Variants in PTPRK observed in about 807,000 individuals in gnomAD.
PTPRK encodes receptor-type tyrosine-protein phosphatase kappa.
In PTPRK, 75 loss-of-function variants were observed where a neutral mutation model predicts 178.0. The ratio of observed to expected loss-of-function variants is 0.42; its 90% confidence interval spans 0.35 to 0.51. The LOEUF (loss-of-function observed/expected upper bound fraction) is 0.51. Among genes scored for constraint, PTPRK ranks in the 20% least tolerant of loss-of-function variants. The pLI, the probability that PTPRK is intolerant of heterozygous loss-of-function variation, is 0.02. For synonymous variants in PTPRK, 637 were observed against 620.6 expected, an observed-to-expected ratio of 1.03 and a Z score of -0.39; for missense variants, 1,441 against 1,797.8, an observed-to-expected ratio of 0.80 and a Z score of 3.59.
chr6:128,018,972 G>C (rs977428713), intron 13 of PTPRK, among the ~76,000 whole-genome samples: 2 of 152,116 alleles, frequency 1.3e-5, no homozygotes, highest in African/African-American at 4.8e-5. Flanking sequence ...ACTAGAAGAA[G>C]AATATGGTAA....
At chr6:128,424,338 G>A (rs575026909) in intron 1 of PTPRK, among the ~76,000 whole-genome samples, 165 of 152,342 alleles carry the variant, frequency 1.1e-3, no homozygotes, top group Admixed American at 3.7e-3. Flanking sequence ...GTCATTTTGA[G>A]ACAGGAAGTT....
At chr6:128,364,049 C>T (rs1562362599) in intron 2 of PTPRK, among the ~76,000 whole-genome samples, 1 of 152,006 alleles carries the variant, frequency 6.6e-6, no homozygotes, top group Non-Finnish European at 1.5e-5. Context: ...TAGTAATTAG[C>T]AGAGCCAAAA....
intron 1 of PTPRK, among the ~76,000 whole-genome samples, chr6:128,399,393 A>G (rs1168085423): frequency 1.3e-5 from 2 of 152,208 alleles, no homozygotes; most frequent in Non-Finnish European, 2.9e-5. Flanking sequence ...AATCACTCTT[A>G]TGACTACAGC....
In PTPRK at chr6:128,184,659, A is replaced by G; in HGVS notation, c.935T>C (p.Leu312Pro). Residue 312 changes from leucine (L) to proline (P), a missense_variant, in exon 7 of 30, where the codon CTA becomes CCA. Leu to Pro is a moderately conservative substitution (Grantham distance 98). Transcript: ENST00000368226. ...ATCGCCAATGATCGAGTTGGCATTT[A>G]GTTGGATCAGCAAATATGTAGGCCC... ...GVGPTYLLIQ[L>P]NANSIIGDGP... 3 of 1,614,074 alleles carry G rather than the reference A, an allele frequency of 1.9e-6. No individual in the cohort carries two copies. The highest frequency in any genetic ancestry group is 2.5e-6 in the Non-Finnish European group (3 of 1,179,960).
chr6:128,200,341 C>T (rs905953314), intron 6 of PTPRK, among the ~76,000 whole-genome samples: 1 of 152,108 alleles, frequency 6.6e-6, no homozygotes, highest in African/African-American at 2.4e-5. Context: ...GGGGATTTAG[C>T]TCATGATTTG....
intron 1 of PTPRK, among the ~76,000 whole-genome samples, chr6:128,505,717 G>C (rs745626431): frequency 2.0e-5 from 3 of 152,190 alleles, no homozygotes; most frequent in Non-Finnish European, 4.4e-5. Context: ...AGCTAGAAAA[G>C]ATAGTGTTAA....
At chr6:128,130,769 A>T (rs916716759) in intron 7 of PTPRK, among the ~76,000 whole-genome samples, 1 of 152,112 alleles carries the variant, frequency 6.6e-6, no homozygotes, top group Admixed American at 6.5e-5. Flanking sequence ...AAACGGAGAG[A>T]TTTCACCTCT....
rs1809864153 is a variant in PTPRK at position 128,218,926 on chromosome 6, C to A, written c.864G>T (p.Val288=). 1 of 1,609,494 alleles carries A rather than the reference C, an allele frequency of 6.2e-7. No individual in the cohort carries two copies. The highest frequency in any genetic ancestry group is 8.5e-7 in the Non-Finnish European group (1 of 1,177,232). ...SGVSNFAQLI[V]REPPRPIAPP... is the part of the protein sequence containing the mutation. Reference sequence around the variant, plus strand: ...GTGAAAACAATTTCACCTTACCTCTCACAATAAGTTGAGCAAAATTGGACA... The same window carrying A: ...GTGAAAACAATTTCACCTTACCTCTAACAATAAGTTGAGCAAAATTGGACA... Residue 288 remains valine (V), a synonymous_variant, in exon 6 of 30, where the codon GTG becomes GTT. Transcript: ENST00000368226.
chr6:128,127,615 T>A (rs1793591295), intron 7 of PTPRK, among the ~76,000 whole-genome samples: 1 of 152,204 alleles, frequency 6.6e-6, no homozygotes, highest in Admixed American at 6.5e-5. Flanking sequence ...TGATGCAAGG[T>A]CACAATGTTA....
chr6:128,142,051 T>C (rs530102735), intron 7 of PTPRK, among the ~76,000 whole-genome samples: 1 of 152,074 alleles, frequency 6.6e-6, no homozygotes, highest in Non-Finnish European at 1.5e-5. Context: ...TTAATGTATA[T>C]GTGCATTTAG....
intron 1 of PTPRK, among the ~76,000 whole-genome samples, chr6:128,420,695 C>T (rs146161358): frequency 5.8e-4 from 89 of 152,220 alleles, no homozygotes; most frequent in African/African-American, 1.9e-3. Flanking sequence ...GAAGAACTTA[C>T]GAAAATGACA....
At chr6:128,143,278 A>G (rs1354657629) in intron 7 of PTPRK, among the ~76,000 whole-genome samples, 1 of 152,106 alleles carries the variant, frequency 6.6e-6, no homozygotes, top group African/African-American at 2.4e-5. Context: ...TTCCTCTCCA[A>G]AGAAGTTCAC....
At chr6:128,073,058 C>T (rs1226641030) in intron 11 of PTPRK, among the ~76,000 whole-genome samples, 1 of 152,036 alleles carries the variant, frequency 6.6e-6, no homozygotes, top group African/African-American at 2.4e-5. Context: ...CAACATGGTA[C>T]ATTACAAATA....
chr6:128,508,803 G>A (rs1253590565), intron 1 of PTPRK, among the ~76,000 whole-genome samples: 1 of 151,992 alleles, frequency 6.6e-6, no homozygotes, highest in African/African-American at 2.4e-5. Flanking sequence ...AAATAGCCGG[G>A]CATGGTGGAG....
chr6:128,508,934 C>T (rs182755101), intron 1 of PTPRK, among the ~76,000 whole-genome samples: 2 of 140,764 alleles, frequency 1.4e-5, no homozygotes, highest in African/African-American at 2.9e-5. Flanking sequence ...GCAATAAGTG[C>T]GAAACTCCAT....
intron 7 of PTPRK, among the ~76,000 whole-genome samples, chr6:128,116,918 G>A (rs533993893): frequency 3.3e-5 from 5 of 152,218 alleles, no homozygotes; most frequent in South Asian, 2.1e-4. Flanking sequence ...AGGCCGAGGC[G>A]TGTGGATCAC....
intron 1 of PTPRK, among the ~76,000 whole-genome samples, chr6:128,465,922 G>C (rs1226692941): frequency 6.6e-6 from 1 of 152,130 alleles, no homozygotes; most frequent in African/African-American, 2.4e-5. Context: ...CAAGCTCTCG[G>C]CCCATTGTCT....
intron 7 of PTPRK, among the ~76,000 whole-genome samples, chr6:128,151,058 T>C (rs568620998): frequency 8.0e-4 from 122 of 152,196 alleles, no homozygotes; most frequent in African/African-American, 2.9e-3. Flanking sequence ...AAAAGTAATT[T>C]TGATTGATAT....
chr6:127,993,983 G>C (rs1216646506), intron 18 of PTPRK, among the ~76,000 whole-genome samples: 1 of 151,486 alleles, frequency 6.6e-6, no homozygotes, highest in Non-Finnish European at 1.5e-5. Context: ...AACTAAATAG[G>C]TAAGAACAAT....
Sources: gnomAD v4.1 joint callset for allele counts (sites outside exome capture counted in the v4.1 genomes callset) on GRCh38, gnomAD v4.1.1 for gene constraint, MANE v1.5 for transcripts, NCBI Gene and HGNC (gene_info 2026-07-23, HGNC 2026-07-21) for gene names.